Variants in KCNB2 observed in about 807,000 individuals in gnomAD.
KCNB2 encodes potassium voltage-gated channel subfamily B member 2.
A neutral mutation model predicts 61.5 loss-of-function variants in KCNB2; 15 were observed. That is an observed-to-expected ratio of 0.24 (90% CI 0.16 to 0.38). The LOEUF (loss-of-function observed/expected upper bound fraction) is 0.38. KCNB2 is among the 10% of genes least tolerant of loss of function. The pLI, the probability that KCNB2 is intolerant of heterozygous loss-of-function variation, is 1.00. For missense variants in KCNB2, 828 were observed against 1,125.2 expected (o/e 0.74, Z 3.78); for synonymous variants, 457 against 446.0 (o/e 1.02, Z -0.31).
At chr8:72,629,351 G>A (rs1190283957) in intron 2 of KCNB2, among the ~76,000 whole-genome samples, 1 of 152,134 alleles carries the variant, frequency 6.6e-6, no homozygotes, top group East Asian at 1.9e-4. Flanking sequence ...GCCCCTTATG[G>A]GAGTCTATGC....
chr8:72,842,395 CT>C (rs1395807191), intron 2 of KCNB2, among the ~76,000 whole-genome samples: 1 of 152,080 alleles, frequency 6.6e-6, no homozygotes. Flanking sequence ...CTGAAATTTT[CT>C]TTTTTTGTTG....
intron 2 of KCNB2, among the ~76,000 whole-genome samples, chr8:72,717,431 A>G (rs901639735): frequency 6.7e-6 from 1 of 149,398 alleles, no homozygotes; most frequent in Non-Finnish European, 1.5e-5. Flanking sequence ...GGCTACAGTA[A>G]CCAAAACAGC....
In KCNB2 at chr8:72,847,634, T is replaced by C. The variant is rs1022356787; in HGVS notation, c.580-88301T>C. On this transcript the variant is annotated intron_variant, in intron 2 of 2. Coordinates refer to ENST00000523207, the MANE Select transcript of KCNB2 (RefSeq NM_004770.3). ...AGGATTTTAATTTCATTTGATGGAC[T>C]CATCTGTTGCTACCAACCTAGGAGG... Among the ~76,000 whole-genome samples the C allele has an allele frequency of 1.5e-4, 23 of 152,322 alleles. 1 individual carries two copies. Among genetic ancestry groups the C allele is most frequent in the Middle Eastern group, 3.4e-3 (1 of 294 alleles).
At chr8:72,910,029 C>T (rs894879780) in intron 2 of KCNB2, among the ~76,000 whole-genome samples, 1 of 152,130 alleles carries the variant, frequency 6.6e-6, no homozygotes, top group African/African-American at 2.4e-5. Flanking sequence ...GTTGGTAGTC[C>T]TCACATGTTG....
chr8:72,594,380 T>C (rs1807153781), intron 2 of KCNB2, among the ~76,000 whole-genome samples: 1 of 152,302 alleles, frequency 6.6e-6, no homozygotes. Context: ...ATCACTAAGA[T>C]ATAAGTCAAA....
At chr8:72,777,804 T>C (rs1043468853) in intron 2 of KCNB2, among the ~76,000 whole-genome samples, 3 of 152,184 alleles carry the variant, frequency 2.0e-5, no homozygotes, top group Non-Finnish European at 2.9e-5. Flanking sequence ...AAGAAACATA[T>C]ATATCACTCT....
intron 2 of KCNB2, among the ~76,000 whole-genome samples, chr8:72,761,061 A>G (rs960423327): frequency 9.2e-5 from 14 of 152,312 alleles, no homozygotes; most frequent in African/African-American, 3.1e-4. Context: ...CTCAAAAACC[A>G]TTATGACTAT....
chr8:72,710,447 G>A (rs558241242), intron 2 of KCNB2, among the ~76,000 whole-genome samples: 6 of 151,862 alleles, frequency 4.0e-5, no homozygotes, highest in Non-Finnish European at 7.4e-5. Flanking sequence ...CTTAGTTATC[G>A]TGCATGCTCT....
chr8:72,561,725 A>G (rs1379823645), intron 1 of KCNB2, among the ~76,000 whole-genome samples: 1,346 of 28,296 alleles, frequency 0.048, 151 homozygotes, highest in East Asian at 0.14. Flanking sequence ...ATATATATAT[A>G]TATCTATATC....
intron 2 of KCNB2, among the ~76,000 whole-genome samples, chr8:72,823,689 A>G (rs1334398005): frequency 2.0e-5 from 3 of 152,220 alleles, no homozygotes; most frequent in South Asian, 2.1e-4. Flanking sequence ...TCATTGTCTC[A>G]TGAATTCTAA....
intron 2 of KCNB2, among the ~76,000 whole-genome samples, chr8:72,716,148 T>G (rs904312015): frequency 1.1e-4 from 16 of 151,976 alleles, no homozygotes; most frequent in Non-Finnish European, 1.8e-4. Flanking sequence ...AATAACAGGC[T>G]CTGAAATTGA....
intron 2 of KCNB2, among the ~76,000 whole-genome samples, chr8:72,864,097 A>C (rs1805468904): frequency 6.6e-6 from 1 of 152,232 alleles, no homozygotes; most frequent in Admixed American, 6.5e-5. Context: ...ACCAAACTCC[A>C]GACTGCCTCA....
intron 2 of KCNB2, among the ~76,000 whole-genome samples, chr8:72,843,766 T>A (rs552316296): frequency 6.6e-6 from 1 of 152,152 alleles, no homozygotes; most frequent in Non-Finnish European, 1.5e-5. Flanking sequence ...AACCCCTGCT[T>A]TTTTTTGCTT....
chr8:72,750,206 T>TAC (rs1808165300), intron 2 of KCNB2: 1 of 152,160 alleles, frequency 6.6e-6, no homozygotes, highest in Non-Finnish European at 1.5e-5. Context: ...TCTATTTTGT[T>TAC]ACATGTCACT....
At chr8:72,746,969 A>T (rs1808083305) in intron 2 of KCNB2, among the ~76,000 whole-genome samples, 1 of 152,284 alleles carries the variant, frequency 6.6e-6, no homozygotes, top group Admixed American at 6.5e-5. Flanking sequence ...AGGAAATCTG[A>T]TGTCATCTTA....
intron 2 of KCNB2, among the ~76,000 whole-genome samples, chr8:72,788,592 G>C (rs909752227): frequency 6.6e-6 from 1 of 152,034 alleles, no homozygotes; most frequent in Non-Finnish European, 1.5e-5. Context: ...CTTATAAAAA[G>C]TAGAGTAGCC....
At chr8:72,718,977 C>G (rs143595868) in intron 2 of KCNB2, among the ~76,000 whole-genome samples, 65 of 152,084 alleles carry the variant, frequency 4.3e-4, no homozygotes, top group African/African-American at 1.5e-3. Flanking sequence ...AATACTTACC[C>G]CAAATGTCAA....
intron 2 of KCNB2, among the ~76,000 whole-genome samples, chr8:72,699,606 C>G (rs993105689): frequency 1.3e-5 from 2 of 152,130 alleles, no homozygotes; most frequent in African/African-American, 4.8e-5. Context: ...TTAATTAGAT[C>G]CCATTTATCA....
At chr8:72,854,408 T>C (rs1275277257) in intron 2 of KCNB2, among the ~76,000 whole-genome samples, 1 of 152,196 alleles carries the variant, frequency 6.6e-6, no homozygotes, top group Non-Finnish European at 1.5e-5. Flanking sequence ...TGTTTCATAA[T>C]GCTAACACTG....
Sources: gnomAD v4.1 joint callset for allele counts (sites outside exome capture counted in the v4.1 genomes callset) on GRCh38, gnomAD v4.1.1 for gene constraint, MANE v1.5 for transcripts, NCBI Gene and HGNC (gene_info 2026-07-23, HGNC 2026-07-21) for gene names.